The following MAGI2 variants were observed in gnomAD, a reference collection of about 807,000 sequenced individuals.
MAGI2 encodes the protein membrane associated guanylate kinase, WW and PDZ domain containing 2.
MAGI2 carries 35 observed loss-of-function variants against 133.3 expected under a neutral mutation model. That is an observed-to-expected ratio of 0.26 (90% confidence interval 0.20 to 0.35). The LOEUF (loss-of-function observed/expected upper bound fraction) is 0.35, where lower values mean the gene tolerates loss of function less well. Ranked by LOEUF, MAGI2 falls within the 10% of genes least tolerant of loss-of-function variation. MAGI2 has a pLI of 1.00. For synonymous variants in MAGI2, 729 were observed against 710.6 expected (o/e 1.03, Z -0.41); for missense variants, 1,636 against 1,863.4 (o/e 0.88, Z 2.25).
At chr7:78,663,289 A>C (rs321993) in intron 2 of MAGI2, among the ~76,000 whole-genome samples, 94,014 of 149,366 alleles carry the variant, frequency 0.63, 29,867 homozygotes, top group East Asian at 0.92. Flanking sequence ...TCACTGCAAT[A>C]TCCGCCTCCC....
At chr7:78,819,318 T>C (rs538815948) in intron 2 of MAGI2, among the ~76,000 whole-genome samples, 56 of 152,242 alleles carry the variant, frequency 3.7e-4, no homozygotes, top group Non-Finnish European at 5.0e-4. Flanking sequence ...GTGACTCTTG[T>C]ATGTAAATTT....
intron 2 of MAGI2, among the ~76,000 whole-genome samples, chr7:78,795,771 T>A (rs1253311212): frequency 6.6e-6 from 1 of 152,110 alleles, no homozygotes; most frequent in Admixed American, 6.6e-5. Flanking sequence ...CAAAGCGGCA[T>A]GGTACCGGCA....
chr7:78,467,670 T>C (rs1790773273), intron 6 of MAGI2, among the ~76,000 whole-genome samples: 1 of 151,962 alleles, frequency 6.6e-6, no homozygotes, highest in Admixed American at 6.6e-5. Context: ...AAAGGAAAAG[T>C]ACTAAGATAA....
intron 3 of MAGI2, among the ~76,000 whole-genome samples, chr7:78,593,682 T>C (rs1050882888): frequency 5.3e-5 from 8 of 152,134 alleles, no homozygotes; most frequent in African/African-American, 1.7e-4. Flanking sequence ...GTGCAAAAAA[T>C]ATTATTTGGG....
chr7:79,009,848 G>A (rs1453700464), intron 1 of MAGI2, among the ~76,000 whole-genome samples: 2 of 152,096 alleles, frequency 1.3e-5, no homozygotes, highest in Non-Finnish European at 2.9e-5. Context: ...GGATACTGGA[G>A]TAGAGGTTAG....
Position 78,647,659 on chromosome 7 carries a change from G to C in MAGI2, c.419-20420C>G, listed in dbSNP as rs549238087. 6.6e-5 allele frequency among the ~76,000 whole-genome samples: 10 copies of C among 152,214 alleles called. No individual in the cohort carries two copies. The South Asian group carries it at 1.9e-3, about 28-fold the overall frequency. On this transcript the variant is annotated intron_variant, in intron 2 of 21. Transcript: ENST00000354212. ...CCCATTACTGGGTATATACCCAAAG[G>C]ATTATGAAATAATGCTACTACAAAC...
chr7:79,005,110 G>C (rs1807308083), intron 2 of MAGI2, among the ~76,000 whole-genome samples: 1 of 151,342 alleles, frequency 6.6e-6, no homozygotes, highest in Non-Finnish European at 1.5e-5. Context: ...AAGATATACT[G>C]AGTCAAGATG....
At chr7:79,075,321 C>A (rs1019018651) in intron 1 of MAGI2, among the ~76,000 whole-genome samples, 2 of 152,108 alleles carry the variant, frequency 1.3e-5, no homozygotes, top group South Asian at 4.1e-4. Flanking sequence ...GAACTCTTAC[C>A]TTCCATGAGA....
At chr7:78,830,131 A>G (rs1212316439) in intron 2 of MAGI2, among the ~76,000 whole-genome samples, 1 of 152,102 alleles carries the variant, frequency 6.6e-6, no homozygotes, top group African/African-American at 2.4e-5. Flanking sequence ...TTGGTGCAAG[A>G]TTCCAAGCAA....
chr7:78,351,766 T>G (rs1791540261), intron 7 of MAGI2: 1 of 152,128 alleles, frequency 6.6e-6, no homozygotes, highest in East Asian at 1.9e-4. Flanking sequence ...TTGGGAAGAC[T>G]TCATAATTTT....
At position 79,016,004 on chromosome 7, in the gene MAGI2, G is replaced by T. The variant is rs56059742; in HGVS notation, c.302-8798C>A. Among the ~76,000 whole-genome samples the T allele has an allele frequency of 6.4e-3, 734 of 114,066 alleles. 14 individuals are homozygous for T. Among genetic ancestry groups the T allele is most frequent in the Non-Finnish European group, 9.1e-3 (477 of 52,468 alleles). The allele number at this position is 114,066 out of a possible 152,430, so 74.8% of individuals were successfully genotyped here. A position where few individuals can be genotyped will look rare whatever the true frequency, so the allele number is the denominator to read the frequency against. On this transcript the variant is annotated intron_variant, in intron 1 of 21. Coordinates refer to ENST00000354212, the MANE Select transcript of MAGI2 (RefSeq NM_012301.4). ...TCAATGACTCCTGGAGAAGCGGGGG[G>T]GGGGGGTGGGGGTTGAGCAGGCAAG...
chr7:78,635,531 A>T (rs1240759501), intron 2 of MAGI2, among the ~76,000 whole-genome samples: 1 of 152,246 alleles, frequency 6.6e-6, no homozygotes, highest in Non-Finnish European at 1.5e-5. Context: ...AAAGAAACAG[A>T]CTTGGAATTA....
intron 1 of MAGI2, among the ~76,000 whole-genome samples, chr7:79,076,552 T>C (rs1318989901): frequency 2.0e-5 from 3 of 152,164 alleles, no homozygotes; most frequent in African/African-American, 7.2e-5. Flanking sequence ...AAAGATGAAC[T>C]GAAAGCAAGA....
intron 9 of MAGI2, among the ~76,000 whole-genome samples, chr7:78,322,503 C>T (rs1788106178): frequency 6.6e-6 from 1 of 152,100 alleles, no homozygotes; most frequent in African/African-American, 2.4e-5. Flanking sequence ...AGCAAACTAA[C>T]ACAAAAACAG....
chr7:78,849,703 A>T (rs1792964270), intron 2 of MAGI2, among the ~76,000 whole-genome samples: 1 of 152,098 alleles, frequency 6.6e-6, no homozygotes, highest in African/African-American at 2.4e-5. Flanking sequence ...TCAATTGTGA[A>T]AATGAAAGGA....
intron 6 of MAGI2, among the ~76,000 whole-genome samples, chr7:78,397,937 C>T (rs892194783): frequency 6.6e-6 from 1 of 151,864 alleles, no homozygotes; most frequent in African/African-American, 2.4e-5. Flanking sequence ...TTATATTGAC[C>T]TCTGGTAACA....
At chr7:79,198,923 C>T (rs757961588) in intron 1 of MAGI2, among the ~76,000 whole-genome samples, 10 of 151,780 alleles carry the variant, frequency 6.6e-5, no homozygotes, top group Non-Finnish European at 1.2e-4. Flanking sequence ...AAAAGAGATG[C>T]AGGACCATTT....
chr7:78,333,305 T>C (rs1356856947), intron 9 of MAGI2, among the ~76,000 whole-genome samples: 1 of 152,156 alleles, frequency 6.6e-6, no homozygotes, highest in East Asian at 1.9e-4. Context: ...AGAGTGCCCA[T>C]AAAAGTGAAA....
intron 1 of MAGI2, among the ~76,000 whole-genome samples, chr7:79,221,208 A>G (rs1830422169): frequency 6.6e-6 from 1 of 152,084 alleles, no homozygotes; most frequent in African/African-American, 2.4e-5. Flanking sequence ...ACTTCTTATA[A>G]AGCAGCACAT....
Sources: gnomAD v4.1 joint callset for allele counts (sites outside exome capture counted in the v4.1 genomes callset) on GRCh38, gnomAD v4.1.1 for gene constraint, MANE v1.5 for transcripts, NCBI Gene and HGNC (gene_info 2026-07-23, HGNC 2026-07-21) for gene names.